The following SLC4A8 variants were observed in gnomAD, a reference collection of about 807,000 sequenced individuals.
SLC4A8 encodes the protein solute carrier family 4 member 8.
Under a neutral mutation model 125.0 loss-of-function variants are expected in SLC4A8, and 40 were observed. That is an observed-to-expected ratio of 0.32 (90% CI 0.25 to 0.42). The LOEUF (loss-of-function observed/expected upper bound fraction) is 0.42, where lower values mean the gene tolerates loss of function less well. Ranked by LOEUF, SLC4A8 falls within the 10% of genes least tolerant of loss-of-function variation. SLC4A8 has a pLI of 1.00. For synonymous variants in SLC4A8, 456 were observed against 476.0 expected, an observed-to-expected ratio of 0.96 and a Z score of 0.55; for missense variants, 863 against 1,355.1, an observed-to-expected ratio of 0.64 and a Z score of 5.70.
At chr12:51,452,298 G>A in intron 4 of SLC4A8, 39 bp downstream of exon 4, 1 of 1,612,274 alleles carries the variant, frequency 6.2e-7, no homozygotes, top group Non-Finnish European at 8.5e-7. Context: ...ATCTGCTTGG[G>A]TAGGCAAGTG....
intron 1 of SLC4A8, among the ~76,000 whole-genome samples, chr12:51,433,851 G>GTTT (rs869249897): frequency 7.7e-5 from 5 of 65,258 alleles, no homozygotes; most frequent in Admixed American, 1.6e-4. Context: ...CACACCATCT[G>GTTT]TTTTTTTTTT....
chr12:51,488,649 C>T, intron 17 of SLC4A8, 50 bp from the exon 18 acceptor site: 1 of 1,444,442 alleles, frequency 6.9e-7, no homozygotes, highest in Non-Finnish European at 9.6e-7. Context: ...ATATGTTTTA[C>T]CCCAATGACT....
At chr12:51,392,755 G>A (rs1054324013) in intron 1 of SLC4A8, 1 of 152,054 alleles carries the variant, frequency 6.6e-6, no homozygotes, top group African/African-American at 2.4e-5. Context: ...TGAGAATCCT[G>A]GTAAACCCGC....
At chr12:51,396,025 T>C (rs1948254074) in intron 1 of SLC4A8, among the ~76,000 whole-genome samples, 1 of 152,234 alleles carries the variant, frequency 6.6e-6, no homozygotes, top group Non-Finnish European at 1.5e-5. Context: ...AGTTCTGCCA[T>C]AATCACTCAT....
intron 16 of SLC4A8, among the ~76,000 whole-genome samples, chr12:51,479,331 A>G (rs547489437): frequency 6.6e-6 from 1 of 152,344 alleles, no homozygotes; most frequent in African/African-American, 2.4e-5. Flanking sequence ...ATTGTCTTCA[A>G]TTATGTTACA....
Position 51,489,943 on chromosome 12 carries a change from A to T in SLC4A8, c.2692A>T (p.Ile898Phe), listed in dbSNP as rs12318785. The T allele has an allele frequency of 6.2e-7, 1 of 1,614,104 alleles. No individual in the cohort carries two copies. Among genetic ancestry groups the T allele is most frequent in the Non-Finnish European group, 8.5e-7 (1 of 1,179,928 alleles). ...GGGCTGCTCAGTCTTCATGACGGCT[A>T]TCTTAAAGGTAATCATCCTTTCAGT... The part of the protein sequence containing the change: ...LMGCSVFMTA[I>F]LKFIPMPVLY... The change falls in exon 19 of 25, where the codon ATC (isoleucine) becomes TTC (phenylalanine). Residue 898 changes from isoleucine (I) to phenylalanine (F), a missense_variant. Physicochemically the swap from Ile to Phe is conservative, Grantham distance 21 (BLOSUM62 0). This residue lies in a region of SLC4A8 where 197 missense variants were observed against 377.7 expected (regional missense o/e 0.52). Transcript: ENST00000453097.
intron 22 of SLC4A8, among the ~76,000 whole-genome samples, chr12:51,498,050 G>GA (rs546057946): frequency 1.3e-3 from 173 of 132,548 alleles, no homozygotes; most frequent in East Asian, 1.7e-3. Context: ...CCTATCTCAA[G>GA]AAAAAAAAAA....
intron 1 of SLC4A8, among the ~76,000 whole-genome samples, chr12:51,396,529 G>C (rs1948265774): frequency 6.6e-6 from 1 of 151,970 alleles, no homozygotes; most frequent in Non-Finnish European, 1.5e-5. Context: ...ATCAGTGATG[G>C]ACAAAGTATC....
At chr12:51,427,821 C>CT (rs1428760263) in intron 1 of SLC4A8, among the ~76,000 whole-genome samples, 4 of 152,216 alleles carry the variant, frequency 2.6e-5, no homozygotes, top group Non-Finnish European at 5.9e-5. Context: ...CCTCTGCTTT[C>CT]TTTCTTGCCC....
At chr12:51,477,162 C>T (rs961710781) in intron 16 of SLC4A8, among the ~76,000 whole-genome samples, 12 of 152,154 alleles carry the variant, frequency 7.9e-5, no homozygotes, top group African/African-American at 2.9e-4. Flanking sequence ...CCTCAGCCTC[C>T]CAAAGTGCTG....
chr12:51,501,142 A>C (rs1937864102), intron 22 of SLC4A8, among the ~76,000 whole-genome samples: 1 of 152,178 alleles, frequency 6.6e-6, no homozygotes, highest in Non-Finnish European at 1.5e-5. Context: ...TTATTTTCTA[A>C]GAAAACATTT....
intron 14 of SLC4A8, among the ~76,000 whole-genome samples, chr12:51,472,053 C>A (rs1032597564): frequency 7.9e-5 from 12 of 152,154 alleles, no homozygotes; most frequent in Admixed American, 6.5e-4. Flanking sequence ...GATCCAGGAG[C>A]CTACTTACTT....
rs768049476 is a variant in SLC4A8 at position 51,469,622 on chromosome 12, G to A, written c.1358G>A (p.Gly453Glu). 6.2e-7 allele frequency: 1 copy of A among 1,613,240 alleles called. No homozygotes were observed. Reference protein sequence around the residue: ...PELQRTGRLFGGLVLDIKRKA... With the variant: ...PELQRTGRLFEGLVLDIKRKA... ...CTGTTGTGTTTCCACAGGCTATTTG[G>A]GGGCTTGGTGCTGGACATCAAGCGG... The change falls in exon 12 of 25, where the codon GGG becomes GAG. Residue 453 changes from glycine to glutamate, a missense_variant. By Grantham distance (98) the Gly-to-Glu change is moderately conservative. This residue lies in a region of SLC4A8 where 390 missense variants were observed against 634.4 expected (regional missense o/e 0.61). Transcript: ENST00000453097.
chr12:51,498,158 A>C (rs1937655175), intron 22 of SLC4A8, among the ~76,000 whole-genome samples: 1 of 152,072 alleles, frequency 6.6e-6, no homozygotes, highest in African/African-American at 2.4e-5. Flanking sequence ...ATGGAAGAAA[A>C]CTTTAAAGAG....
Position 51,489,682 on chromosome 12 carries a change from G to C in SLC4A8, c.2449-18G>C, listed in dbSNP as rs771743728. ...CAGCTAGCCTACTGATGGTGACAAA[G>C]ACTCTGTTTCCCCACAGAAAGGCTG... On this transcript the variant is annotated intron_variant, in intron 18 of 24. Transcript: ENST00000453097. 3 of 1,613,606 alleles carry C rather than the reference G, an allele frequency of 1.9e-6. No individual in the cohort carries two copies. The highest frequency in any genetic ancestry group is 2.7e-5 in the African/African-American group (2 of 74,906).
At chr12:51,411,944 T>C (rs1437495121) in intron 1 of SLC4A8, among the ~76,000 whole-genome samples, 1 of 151,230 alleles carries the variant, frequency 6.6e-6, no homozygotes, top group Non-Finnish European at 1.5e-5. Context: ...TGCCTGTGGT[T>C]CCAGCTACTC....
chr12:51,412,490 C>T (rs1481998583), intron 1 of SLC4A8, among the ~76,000 whole-genome samples: 1 of 152,178 alleles, frequency 6.6e-6, no homozygotes, highest in Non-Finnish European at 1.5e-5. Context: ...TTGTTGTTAA[C>T]TGTAGTCACC....
rs565785022 is a variant in SLC4A8, at chr12:51,436,320, T to TC, written c.49-4388_49-4387insC. On this transcript the variant is annotated intron_variant, in intron 1 of 24. Transcript: ENST00000453097. ...ATCTTTTAAAATTCTTCTTTGTCCTTAGAGTATATGCCACTGAGGATGTTC... is the reference window on the plus strand; with the variant it reads ...ATCTTTTAAAATTCTTCTTTGTCCTTCAGAGTATATGCCACTGAGGATGTTC... Among the ~76,000 whole-genome samples, 36 of 152,318 alleles carry TC rather than the reference T, an allele frequency of 2.4e-4. No individual in the cohort carries two copies. The East Asian group carries it at 6.4e-3, about 27-fold the overall frequency.
intron 1 of SLC4A8, among the ~76,000 whole-genome samples, chr12:51,392,462 A>G (rs1183266026): frequency 6.7e-6 from 1 of 149,804 alleles, no homozygotes; most frequent in Non-Finnish European, 1.5e-5. Flanking sequence ...AATCCCAGCT[A>G]CTCGGGAGGC....
Sources: allele counts gnomAD v4.1 joint callset (sites outside exome capture counted in the v4.1 genomes callset), GRCh38; gene constraint gnomAD v4.1.1; regional missense constraint gnomAD v4.1.1; transcripts MANE v1.5; gene names NCBI Gene and HGNC (gene_info 2026-07-23, HGNC 2026-07-21).